ADAM12: variants seen among roughly 807,000 people sequenced by gnomAD.
ADAM12 encodes ADAM metallopeptidase domain 12.
A neutral mutation model predicts 106.4 loss-of-function variants in ADAM12; 70 were observed. The ratio of observed to expected loss-of-function variants is 0.66; its 90% CI spans 0.54 to 0.80. The LOEUF is 0.80. Ranked by LOEUF, ADAM12 falls within the 30% of genes least tolerant of loss-of-function variation. ADAM12 has a pLI of 0.00. For missense variants in ADAM12, 1,010 were observed against 1,171.9 expected (o/e 0.86, Z 2.02); for synonymous variants, 420 against 433.5 (o/e 0.97, Z 0.39).
At position 126,365,829 on chromosome 10, in the gene ADAM12, C is replaced by A. The variant is rs997493273; in HGVS notation, c.88+22229G>T. ...AGCCAAACCATATCAAGGAGCACAG[C>A]GATTGGAAAGCCAATTACAACACAT... On this transcript the variant is annotated intron_variant, in intron 1 of 22. Transcript: ENST00000448723. Among the ~76,000 whole-genome samples the A allele has an allele frequency of 1.3e-5, 2 of 152,126 alleles. 1 individual carries two copies. The highest frequency in any genetic ancestry group is 4.1e-4 in the South Asian group (2 of 4,830).
chr10:126,288,623 T>C (rs958055380), intron 2 of ADAM12, among the ~76,000 whole-genome samples: 10 of 151,716 alleles, frequency 6.6e-5, no homozygotes, highest in Non-Finnish European at 1.3e-4. Context: ...GGTGACATAG[T>C]GGCCCCAAGG....
chr10:126,180,572 T>TA (rs1253892027), intron 3 of ADAM12, among the ~76,000 whole-genome samples: 1 of 152,006 alleles, frequency 6.6e-6, no homozygotes, highest in African/African-American at 2.4e-5. Context: ...TTATTTTTTC[T>TA]AAAAAAAAGA....
intron 3 of ADAM12, among the ~76,000 whole-genome samples, chr10:126,214,750 A>G (rs181824438): frequency 3.4e-4 from 52 of 152,358 alleles, no homozygotes; most frequent in African/African-American, 1.2e-3. Flanking sequence ...GATGTTCATT[A>G]TGACTCAGCT....
chr10:126,203,762 A>C (rs1957743406), intron 3 of ADAM12, among the ~76,000 whole-genome samples: 1 of 152,206 alleles, frequency 6.6e-6, no homozygotes, highest in African/African-American at 2.4e-5. Context: ...TAAAAAAATA[A>C]GTTTCATAAC....
intron 3 of ADAM12, among the ~76,000 whole-genome samples, chr10:126,248,685 G>GTATGTATTTATTTATTTATT (rs1291820531): frequency 6.4e-4 from 43 of 67,088 alleles, no homozygotes; most frequent in African/African-American, 2.4e-3. Flanking sequence ...ATGTATGTAT[G>GTATGTATTTATTTATTTATT]TATTTATTTA....
chr10:126,324,279 T>C (rs966256466), intron 2 of ADAM12, among the ~76,000 whole-genome samples: 5 of 152,214 alleles, frequency 3.3e-5, no homozygotes, highest in Non-Finnish European at 7.4e-5. Context: ...AGTGCTTAAG[T>C]GGTGCTTCAA....
intron 3 of ADAM12, among the ~76,000 whole-genome samples, chr10:126,189,704 A>G (rs944040694): frequency 3.3e-5 from 5 of 152,054 alleles, no homozygotes; most frequent in African/African-American, 7.2e-5. Flanking sequence ...GGGGCACCGG[A>G]ATCTACCTGC....
Position 126,066,769 on chromosome 10 carries a change from G to A in ADAM12, c.1361C>T (p.Thr454Ile), listed in dbSNP as rs776687597. Residue 454 changes from threonine (T) to isoleucine (I), a missense_variant, in exon 13 of 23, where the codon ACC becomes ATC. Physicochemically the swap from Thr to Ile is moderately conservative, Grantham distance 89. Around this residue, in one of 3 missense-constraint regions of ADAM12, gnomAD observed 615 missense variants for 708.5 expected, o/e 0.87. Coordinates refer to ENST00000448723, the MANE Select transcript of ADAM12 (RefSeq NM_001288973.2). This position sits in a 1 kb window ranked among gnomAD's most constrained non-coding sequence, Gnocchi z 5.1. ...MNRCCNATTC[T>I]LKPDAVCAHG... ...TGCGCACACAGCGTCCGGCTTCAGG[G>A]TACAGGTGGTGGCATTGCAGCAGCG... The A allele has an allele frequency of 1.2e-6, 2 of 1,614,196 alleles. No homozygotes were observed.
intron 1 of ADAM12, among the ~76,000 whole-genome samples, chr10:126,330,968 T>C (rs1854491516): frequency 6.6e-6 from 1 of 152,200 alleles, no homozygotes; most frequent in Non-Finnish European, 1.5e-5. Context: ...TCTCTGCACT[T>C]ATGGAGTCTA....
intron 6 of ADAM12, among the ~76,000 whole-genome samples, chr10:126,113,722 ATATATATAT>A (rs1565067829): frequency 0.1 from 5,175 of 49,982 alleles, 605 homozygotes; most frequent in Non-Finnish European, 0.11. Context: ...ATATATATAT[ATATATATAT>A]AATATATTGC....
chr10:126,040,657 G>T (rs1056298555), intron 18 of ADAM12, among the ~76,000 whole-genome samples: 1 of 152,180 alleles, frequency 6.6e-6, no homozygotes, highest in African/African-American at 2.4e-5. Flanking sequence ...CCTTAGTAGT[G>T]ATCACAGGGG....
Position 126,236,012 on chromosome 10 carries a change from G to A in ADAM12, c.260+42903C>T, listed in dbSNP as rs1429353973. Reference sequence around the variant, plus strand: ...GCCTGGCAGACAGGGAGACAGAGCTGGGCTGGAGAGGGCATCTTGGGCAGG... The same window carrying A: ...GCCTGGCAGACAGGGAGACAGAGCTAGGCTGGAGAGGGCATCTTGGGCAGG... On this transcript the variant is annotated intron_variant, in intron 3 of 22. Transcript: ENST00000448723. Among the ~76,000 whole-genome samples, 10 of 152,232 alleles carry A rather than the reference G, an allele frequency of 6.6e-5. No homozygotes were observed. In the East Asian group the frequency reaches 1.9e-3, roughly 30 times the overall value.
chr10:126,213,798 CT>C (rs1315373030), intron 3 of ADAM12, among the ~76,000 whole-genome samples: 1 of 152,204 alleles, frequency 6.6e-6, no homozygotes, highest in African/African-American at 2.4e-5. Flanking sequence ...GAAAATTTCC[CT>C]GCCAAAATGC....
intron 3 of ADAM12, among the ~76,000 whole-genome samples, chr10:126,260,106 T>C (rs1247100448): frequency 6.6e-6 from 1 of 151,996 alleles, no homozygotes; most frequent in Non-Finnish European, 1.5e-5. Flanking sequence ...ATTTCTTCCA[T>C]ACACATTACC....
At chr10:126,147,255 T>C (rs989278667) in intron 4 of ADAM12, among the ~76,000 whole-genome samples, 4 of 152,180 alleles carry the variant, frequency 2.6e-5, no homozygotes, top group Non-Finnish European at 4.4e-5. Context: ...TTTCCTTCCT[T>C]TCATTCCGTG....
At chr10:126,285,680 T>C (rs1199109049) in intron 2 of ADAM12, among the ~76,000 whole-genome samples, 1 of 152,192 alleles carries the variant, frequency 6.6e-6, no homozygotes, top group Non-Finnish European at 1.5e-5. Context: ...GCTTTGTCGT[T>C]GGGCAAAACT....
At chr10:126,073,821 C>T (rs1460245945) in intron 11 of ADAM12, among the ~76,000 whole-genome samples, 1 of 152,230 alleles carries the variant, frequency 6.6e-6, no homozygotes. Context: ...GTAACTTCCC[C>T]TGGCAGACAG....
intron 13 of ADAM12, among the ~76,000 whole-genome samples, chr10:126,065,470 A>G (rs1364788900): frequency 6.6e-6 from 1 of 152,198 alleles, no homozygotes; most frequent in Non-Finnish European, 1.5e-5. Flanking sequence ...TAGCAATTTT[A>G]GTCAGTCGTC....
At chr10:126,332,106 C>T (rs941037452) in intron 1 of ADAM12, among the ~76,000 whole-genome samples, 4 of 152,168 alleles carry the variant, frequency 2.6e-5, no homozygotes, top group African/African-American at 4.8e-5. Context: ...ACATCAGCTG[C>T]GGGGCCACGG....
Sources: gnomAD v4.1 joint callset for allele counts (sites outside exome capture counted in the v4.1 genomes callset) on GRCh38, gnomAD v4.1.1 for gene constraint, gnomAD v4.1.1 regional missense constraint, Gnocchi (gnomAD v3.1) non-coding constraint, MANE v1.5 for transcripts, NCBI Gene and HGNC (gene_info 2026-07-23, HGNC 2026-07-21) for gene names.